SLC14A2: variants seen among roughly 807,000 people sequenced by gnomAD.
SLC14A2 encodes urea transporter 2.
Under a neutral mutation model 104.6 loss-of-function variants are expected in SLC14A2, and 91 were observed. The observed-to-expected ratio is 0.87, with a 90% CI of 0.73 to 1.04. The LOEUF is 1.04. SLC14A2 is among the 50% of genes least tolerant of loss of function. The pLI is 0.00. For synonymous variants in SLC14A2, 476 were observed against 466.4 expected (o/e 1.02, Z -0.27); for missense variants, 1,189 against 1,156.0 (o/e 1.03, Z -0.41).
chr18:45,466,580 C>T (rs753550228), intron 1 of SLC14A2, among the ~76,000 whole-genome samples: 48 of 146,938 alleles, frequency 3.3e-4, no homozygotes, highest in African/African-American at 1.0e-3. Flanking sequence ...ATGGAATCAC[C>T]CAAGCCAAGG....
At chr18:45,197,397 G>C in the SLC14A2 span, among the ~76,000 whole-genome samples, 1 of 149,866 alleles carries the variant, frequency 6.7e-6, no homozygotes, top group African/African-American at 2.5e-5. Flanking sequence ...AGTAAGAGAA[G>C]TGAGAGCCTA....
At chr18:45,196,895 G>C in the SLC14A2 span, among the ~76,000 whole-genome samples, 1 of 152,186 alleles carries the variant, frequency 6.6e-6, no homozygotes, top group Non-Finnish European at 1.5e-5. Context: ...ATAAACAAGA[G>C]CTAAGCTGCA....
chr18:45,585,265 T>C (rs1003024468), intron 2 of SLC14A2, among the ~76,000 whole-genome samples: 1 of 152,212 alleles, frequency 6.6e-6, no homozygotes, highest in Non-Finnish European at 1.5e-5. Context: ...TTTTAAATTG[T>C]AACTCCGTCC....
chr18:45,469,559 G>T (rs1380522958), intron 1 of SLC14A2, among the ~76,000 whole-genome samples: 2 of 152,180 alleles, frequency 1.3e-5, no homozygotes, highest in Non-Finnish European at 1.5e-5. Context: ...GTGGAGCAAA[G>T]GTATCTCTCT....
At chr18:45,560,513 G>A (rs1469714865) in intron 2 of SLC14A2, among the ~76,000 whole-genome samples, 2 of 152,148 alleles carry the variant, frequency 1.3e-5, no homozygotes, top group Non-Finnish European at 2.9e-5. Context: ...GATAGGCTGA[G>A]GAATAGGAAG....
intron 1 of SLC14A2, among the ~76,000 whole-genome samples, chr18:45,283,583 T>A (rs931002505): frequency 6.6e-6 from 1 of 152,260 alleles, no homozygotes; most frequent in African/African-American, 2.4e-5. Context: ...ATATGATGTG[T>A]GAAACAGCTT....
chr18:45,613,265 G>A (rs2045002757), upstream of SLC14A2, among the ~76,000 whole-genome samples: 10 of 152,076 alleles, frequency 6.6e-5, no homozygotes, highest in South Asian at 1.7e-3. Flanking sequence ...CTCGTGATCC[G>A]CCCGCCTCAG....
chr18:45,221,528 T>G (rs16978308), intron 1 of SLC14A2, among the ~76,000 whole-genome samples: 1 of 151,968 alleles, frequency 6.6e-6, no homozygotes, highest in Middle Eastern at 3.2e-3. Context: ...GTAATCAAAA[T>G]AGCAGCCCTC....
intron 2 of SLC14A2, among the ~76,000 whole-genome samples, chr18:45,556,456 T>C (rs1337979150): frequency 6.6e-6 from 1 of 152,174 alleles, no homozygotes; most frequent in African/African-American, 2.4e-5. Context: ...TCTTCCTTTA[T>C]GCCTTGTGTA....
At chr18:45,483,836 A>G (rs1208266268) in intron 2 of SLC14A2, among the ~76,000 whole-genome samples, 1 of 152,196 alleles carries the variant, frequency 6.6e-6, no homozygotes, top group Non-Finnish European at 1.5e-5. Flanking sequence ...GCATCGATTT[A>G]TTGGTTGTTT....
chr18:45,253,936 T>G (rs112049240), intron 1 of SLC14A2, among the ~76,000 whole-genome samples: 2 of 152,222 alleles, frequency 1.3e-5, no homozygotes, highest in African/African-American at 4.8e-5. Flanking sequence ...TTATATCTTA[T>G]TTGAATCCAA....
chr18:45,511,210 A>G (rs2043361422), intron 2 of SLC14A2, among the ~76,000 whole-genome samples: 1 of 152,082 alleles, frequency 6.6e-6, no homozygotes, highest in Non-Finnish European at 1.5e-5. Flanking sequence ...TTTATTATGT[A>G]TAGCCTTACA....
At chr18:45,184,802 A>T in the SLC14A2 span, among the ~76,000 whole-genome samples, 1 of 152,250 alleles carries the variant, frequency 6.6e-6, no homozygotes, top group Non-Finnish European at 1.5e-5. Context: ...CCAGAAGTAG[A>T]GCAGGTTTCA....
chr18:45,464,172 G>A (rs918813115), intron 1 of SLC14A2, among the ~76,000 whole-genome samples: 2 of 152,302 alleles, frequency 1.3e-5, no homozygotes, highest in East Asian at 1.9e-4. Context: ...AGAGTAAAAC[G>A]AACATTTCCT....
At chr18:45,314,884 T>C (rs2085113540) in intron 1 of SLC14A2, among the ~76,000 whole-genome samples, 1 of 152,238 alleles carries the variant, frequency 6.6e-6, no homozygotes, top group Admixed American at 6.5e-5. Flanking sequence ...GAAGATACTG[T>C]CCCTGCCTTC....
intron 1 of SLC14A2, among the ~76,000 whole-genome samples, chr18:45,404,098 C>T (rs912738147): frequency 3.3e-5 from 5 of 152,204 alleles, no homozygotes; most frequent in Non-Finnish European, 7.3e-5. Flanking sequence ...AACTCTATTA[C>T]CTCTTCCCAA....
chr18:45,443,629 G>A (rs978113528), intron 1 of SLC14A2, among the ~76,000 whole-genome samples: 4 of 152,118 alleles, frequency 2.6e-5, no homozygotes, highest in African/African-American at 4.8e-5. Flanking sequence ...TGGATTGGGG[G>A]AAATGGAGTT....
chr18:45,631,857 C>T (rs540633557), intron 4 of SLC14A2, among the ~76,000 whole-genome samples: 1 of 152,306 alleles, frequency 6.6e-6, no homozygotes, highest in South Asian at 2.1e-4. Context: ...GGGTGCAAGT[C>T]ATCTTCCCAC....
intron 1 of SLC14A2, among the ~76,000 whole-genome samples, chr18:45,619,747 G>A (rs562142900): frequency 4.6e-5 from 7 of 152,212 alleles, no homozygotes; most frequent in African/African-American, 9.6e-5. Flanking sequence ...AACAAGTGGC[G>A]ACGCCTTATG....
Sources: gnomAD v4.1 joint callset for allele counts (sites outside exome capture counted in the v4.1 genomes callset) on GRCh38, gnomAD v4.1.1 for gene constraint, MANE v1.5 for transcripts, NCBI Gene and HGNC (gene_info 2026-07-23, HGNC 2026-07-21) for gene names.